Variants in FOXP2 observed in about 807,000 individuals in gnomAD.
FOXP2 encodes the protein forkhead box P2, also known as forkhead box protein P2.
A neutral mutation model predicts 115.8 loss-of-function variants in FOXP2; 12 were observed. The observed-to-expected ratio is 0.10, with a 90% CI of 0.07 to 0.17. FOXP2 has a LOEUF of 0.17. Ranked by LOEUF, FOXP2 falls within the 10% of genes least tolerant of loss-of-function variation. The probability of loss-of-function intolerance (pLI) is 1.00; values close to 1 mark genes in which losing one functional copy is unlikely to be tolerated. For synonymous variants in FOXP2, 328 were observed against 297.7 expected, an observed-to-expected ratio of 1.10 and a Z score of -1.05; for missense variants, 629 against 843.5, an observed-to-expected ratio of 0.75 and a Z score of 3.15.
chr7:114,692,401 A>G lies in FOXP2; in HGVS notation c.*2475A>G, dbSNP rs1158072892. On this transcript the variant is annotated 3_prime_UTR_variant, in exon 17 of 17. Transcript: ENST00000350908. ...TACCAGAAAAACCTCCAAAACTGCA[A>G]TTGCTTTGAAAATAGATTTTAGGTT... 1 of 451,294 alleles carries G rather than the reference A, an allele frequency of 2.2e-6. No homozygotes were observed. Among genetic ancestry groups the G allele is most frequent in the Non-Finnish European group, 4.4e-6 (1 of 226,144 alleles). 28.0% of individuals were successfully genotyped at this position (451,294 alleles called of 1,614,324 possible).
At chr7:114,432,629 G>C (rs1286162027) in intron 2 of FOXP2, among the ~76,000 whole-genome samples, 1 of 151,838 alleles carries the variant, frequency 6.6e-6, no homozygotes, top group South Asian at 2.1e-4. Flanking sequence ...TTAGAAATGG[G>C]AAAATGTGGC....
At chr7:114,670,772 C>T (rs941861877) in intron 16 of FOXP2, among the ~76,000 whole-genome samples, 1 of 151,998 alleles carries the variant, frequency 6.6e-6, no homozygotes, top group African/African-American at 2.4e-5. Context: ...AAAATCCCTG[C>T]AGATCTTAGA....
chr7:114,422,239 G>A (rs1793654445), intron 1 of FOXP2, among the ~76,000 whole-genome samples: 1 of 151,650 alleles, frequency 6.6e-6, no homozygotes, highest in Admixed American at 6.6e-5. Flanking sequence ...GTCTTTCAAG[G>A]TCACTGTAAT....
At chr7:114,664,624 C>A (rs1003225437) in intron 16 of FOXP2, 188 bp downstream of exon 16, 7 of 643,212 alleles carry the variant, frequency 1.1e-5, no homozygotes, top group African/African-American at 9.1e-5. Context: ...TTTAGATGAT[C>A]TCAAATGCCA....
chr7:114,659,393 T>A lies in FOXP2; in HGVS notation c.1506T>A (p.Asp502Glu). 1 of 1,613,362 alleles carries A rather than the reference T, an allele frequency of 6.2e-7. No individual in the cohort carries two copies. Residue 502 changes from aspartate (D) to glutamate (E), a missense_variant, in exon 12 of 17, where the codon GAT becomes GAA. Coordinates refer to ENST00000350908, the MANE Select transcript of FOXP2 (RefSeq NM_014491.4). ...ACTATGAATTTTATAAAAATGCAGA[T>A]GTCAGACCTCCATTTACTTATGCAA... ...APNYEFYKNA[D>E]VRPPFTYATL... is the part of the protein sequence containing the mutation.
chr7:114,233,649 T>C (rs945083262), intron 1 of FOXP2, among the ~76,000 whole-genome samples: 3 of 152,212 alleles, frequency 2.0e-5, no homozygotes, highest in Non-Finnish European at 2.9e-5. Flanking sequence ...AACAATTGCT[T>C]CCACAATTGA....
intron 1 of FOXP2, among the ~76,000 whole-genome samples, chr7:114,240,611 T>A (rs1032012006): frequency 2.0e-5 from 3 of 152,054 alleles, no homozygotes; most frequent in African/African-American, 7.2e-5. Context: ...TTTGTTATTC[T>A]ATTTAAATTA....
intron 3 of FOXP2, among the ~76,000 whole-genome samples, chr7:114,595,349 T>C (rs1197169176): frequency 2.0e-5 from 3 of 152,014 alleles, no homozygotes; most frequent in Non-Finnish European, 4.4e-5. Flanking sequence ...AACAGAAGGG[T>C]ATTAAACACT....
intron 3 of FOXP2, among the ~76,000 whole-genome samples, chr7:114,618,068 C>T (rs1804045256): frequency 6.6e-6 from 1 of 152,192 alleles, no homozygotes; most frequent in Admixed American, 6.5e-5. Context: ...CTCTCAAAAT[C>T]CTTTTCTGAT....
chr7:114,606,230 G>A (rs1803316347), intron 3 of FOXP2, among the ~76,000 whole-genome samples: 1 of 152,176 alleles, frequency 6.6e-6, no homozygotes, highest in Admixed American at 6.5e-5. Context: ...CCGTTTCACA[G>A]ATTCAGAATC....
At chr7:114,687,751 G>A (rs937809445) in intron 16 of FOXP2, among the ~76,000 whole-genome samples, 1 of 151,978 alleles carries the variant, frequency 6.6e-6, no homozygotes, top group South Asian at 2.1e-4. Context: ...GCCTTTCTTT[G>A]TCATAAAGCT....
At chr7:114,510,549 CT>C (rs761248364) in intron 2 of FOXP2, among the ~76,000 whole-genome samples, 18 of 152,248 alleles carry the variant, frequency 1.2e-4, no homozygotes, top group Non-Finnish European at 2.5e-4. Flanking sequence ...TAATTTCAAA[CT>C]TTTCCTTAAG....
intron 1 of FOXP2, among the ~76,000 whole-genome samples, chr7:114,271,674 TA>T (rs1796051543): frequency 8.5e-6 from 1 of 118,144 alleles, no homozygotes; most frequent in Admixed American, 1.0e-4. Flanking sequence ...ATATATTATT[TA>T]AAATTATATT....
intron 2 of FOXP2, among the ~76,000 whole-genome samples, chr7:114,355,466 A>T (rs1301117174): frequency 1.3e-5 from 2 of 152,208 alleles, no homozygotes; most frequent in African/African-American, 2.4e-5. Flanking sequence ...TCACTTAAAA[A>T]TAATGCACTT....
rs1793271144 is a variant in FOXP2, at chr7:114,414,974, T to G, written c.-397T>G. The G allele has an allele frequency of 4.7e-6, 2 of 421,290 alleles. No individual in the cohort carries two copies. Among genetic ancestry groups the G allele is most frequent in the South Asian group, 3.5e-5 (2 of 57,344 alleles). 26.1% of individuals were successfully genotyped at this position (421,290 alleles called of 1,614,324 possible). A position where few individuals can be genotyped will look rare whatever the true frequency, so the allele number is the denominator to read the frequency against. On this transcript the variant is annotated 5_prime_UTR_variant, in exon 1 of 17. In the 5' UTR this introduces an upstream ATG that the reference lacks. Transcript: ENST00000350908. ...AATGAAGCACTTACTTTAGAAAGATTATGGTAAGCATGCTGGCTCAGTCTT... is the reference window on the plus strand; with the variant it reads ...AATGAAGCACTTACTTTAGAAAGATGATGGTAAGCATGCTGGCTCAGTCTT...
intron 2 of FOXP2, among the ~76,000 whole-genome samples, chr7:114,458,052 C>T (rs886677317): frequency 2.6e-5 from 4 of 152,014 alleles, no homozygotes; most frequent in Non-Finnish European, 5.9e-5. Context: ...GACAATCATA[C>T]CCATATAAAT....
intron 1 of FOXP2, among the ~76,000 whole-genome samples, chr7:114,092,158 A>G (rs764194515): frequency 1.3e-5 from 2 of 152,054 alleles, no homozygotes; most frequent in Non-Finnish European, 2.9e-5. Flanking sequence ...TAGTTTATTA[A>G]TGTTCTTCAA....
chr7:114,495,712 G>A (rs1797292039), intron 2 of FOXP2, among the ~76,000 whole-genome samples: 2 of 151,720 alleles, frequency 1.3e-5, no homozygotes, highest in African/African-American at 4.8e-5. Context: ...TCGCCATGTT[G>A]GCCAGGCTGA....
intron 2 of FOXP2, among the ~76,000 whole-genome samples, chr7:114,490,642 C>T (rs1231774953): frequency 6.6e-6 from 1 of 152,088 alleles, no homozygotes; most frequent in African/African-American, 2.4e-5. Flanking sequence ...TCTCCTAATG[C>T]TATCCCTCCC....
Sources: gnomAD v4.1 joint callset for allele counts (sites outside exome capture counted in the v4.1 genomes callset) on GRCh38, gnomAD v4.1.1 for gene constraint, MANE v1.5 for transcripts, NCBI Gene and HGNC (gene_info 2026-07-23, HGNC 2026-07-21) for gene names.